Variants in ATXN2 observed in about 807,000 individuals in gnomAD.
ATXN2 encodes the protein ataxin-2.
ATXN2 carries 37 observed loss-of-function variants against 138.6 expected under a neutral mutation model. That is an observed-to-expected ratio of 0.27 (90% CI 0.21 to 0.35). The LOEUF (loss-of-function observed/expected upper bound fraction) is 0.35. Among genes scored for constraint, ATXN2 ranks in the 10% least tolerant of loss-of-function variants. The probability of loss-of-function intolerance (pLI) is 1.00; values close to 1 mark genes in which losing one functional copy is unlikely to be tolerated. For synonymous variants in ATXN2, 549 were observed against 543.7 expected (o/e 1.01, Z -0.13); for missense variants, 1,216 against 1,480.3 (o/e 0.82, Z 2.93).
intron 5 of ATXN2, among the ~76,000 whole-genome samples, chr12:111,539,075 G>A (rs893238598): frequency 6.7e-6 from 1 of 150,238 alleles, no homozygotes. Flanking sequence ...ACTGTTTATG[G>A]GTGAACATTC....
At chr12:111,457,461 T>C in intron 21 of ATXN2, 102 bp from the exon 22 acceptor site, 3 of 1,337,114 alleles carry the variant, frequency 2.2e-6, no homozygotes, top group Non-Finnish European at 3.0e-6. Flanking sequence ...TTACAATGCA[T>C]AACTCACGCC....
intron 1 of ATXN2, among the ~76,000 whole-genome samples, chr12:111,592,096 T>G (rs1884696692): frequency 7.6e-6 from 1 of 131,978 alleles, no homozygotes; most frequent in Admixed American, 7.7e-5. Flanking sequence ...AAAAAACACC[T>G]TAGCTCATGA....
At chr12:111,546,023 G>A (rs953688433) in intron 5 of ATXN2, among the ~76,000 whole-genome samples, 2 of 151,250 alleles carry the variant, frequency 1.3e-5, no homozygotes, top group African/African-American at 4.9e-5. Context: ...AAGGAAGGTA[G>A]TGGTTAGTTG....
intron 5 of ATXN2, among the ~76,000 whole-genome samples, chr12:111,549,635 T>C (rs538482808): frequency 1.1e-4 from 16 of 152,354 alleles, no homozygotes; most frequent in African/African-American, 2.9e-4. Context: ...TCTTCTTTTA[T>C]AGAAGAGGGC....
chr12:111,485,054 C>T (rs1203717581), intron 18 of ATXN2: 10 of 470,622 alleles, frequency 2.1e-5, no homozygotes, highest in Middle Eastern at 5.5e-4. Flanking sequence ...GAAGAGGATA[C>T]TATATAATCA....
chr12:111,553,203 A>G (rs1041889072), intron 3 of ATXN2, among the ~76,000 whole-genome samples: 5 of 152,152 alleles, frequency 3.3e-5, no homozygotes, highest in African/African-American at 1.2e-4. Flanking sequence ...CTGAAGTCAA[A>G]CATTTCTGAC....
chr12:111,473,299 T>A (rs1433885909), intron 18 of ATXN2, among the ~76,000 whole-genome samples: 1 of 145,200 alleles, frequency 6.9e-6, no homozygotes, highest in Non-Finnish European at 1.5e-5. Flanking sequence ...AAAAAAAAAA[T>A]TCCAGAAGTT....
chr12:111,491,041 C>T (rs550856718), intron 14 of ATXN2, among the ~76,000 whole-genome samples: 5 of 152,078 alleles, frequency 3.3e-5, no homozygotes, highest in South Asian at 2.1e-4. Context: ...AACCTGAGGT[C>T]GGGAGTTCAA....
At chr12:111,595,089 G>A (rs761385371) in intron 1 of ATXN2, among the ~76,000 whole-genome samples, 2 of 152,020 alleles carry the variant, frequency 1.3e-5, no homozygotes, top group Non-Finnish European at 2.9e-5. Flanking sequence ...CACAATATTT[G>A]ACAAACTACA....
chr12:111,478,804 C>T (rs1039915322), intron 18 of ATXN2, among the ~76,000 whole-genome samples: 3 of 151,480 alleles, frequency 2.0e-5, no homozygotes, highest in Non-Finnish European at 2.9e-5. Context: ...GTCAGGAGTT[C>T]GAGACCAGCC....
chr12:111,504,829 T>C (rs1440647734), intron 14 of ATXN2, among the ~76,000 whole-genome samples: 1 of 152,128 alleles, frequency 6.6e-6, no homozygotes, highest in Non-Finnish European at 1.5e-5. Flanking sequence ...TTAATAACAA[T>C]TTGTTTCACT....
At chr12:111,510,699 C>G in intron 11 of ATXN2, 117 bp from the exon 12 acceptor site, 1 of 913,040 alleles carries the variant, frequency 1.1e-6, no homozygotes, top group Non-Finnish European at 1.6e-6. Context: ...TAGCCCTTAC[C>G]CTTTATCCCA....
In ATXN2 at chr12:111,453,106, C is replaced by T. The variant is rs1400044637; in HGVS notation, c.3440-266G>A. ...AGAAAAAAAGGCCTTAACAAACCCC[C>T]TCCCCAAATATTAGCCAAGCACCAG... On this transcript the variant is annotated intron_variant, in intron 24 of 24. Transcript: ENST00000673436. The surrounding 1 kb of genome is among the most constrained non-coding windows in gnomAD (Gnocchi z 5.4). 1.7e-5 allele frequency: 21 copies of T among 1,264,662 alleles called. No homozygotes were observed. Among genetic ancestry groups the T allele is most frequent in the Non-Finnish European group, 1.9e-5 (19 of 1,005,410 alleles). 78.3% of individuals were successfully genotyped at this position (1,264,662 alleles called of 1,614,324 possible). A position where few individuals can be genotyped will look rare whatever the true frequency, so the allele number is the denominator to read the frequency against.
intron 18 of ATXN2, among the ~76,000 whole-genome samples, chr12:111,476,378 G>A (rs1197406399): frequency 6.6e-6 from 1 of 151,970 alleles, no homozygotes; most frequent in African/African-American, 2.4e-5. Context: ...ATGCTTAATA[G>A]TGAAAGACAA....
intron 5 of ATXN2, among the ~76,000 whole-genome samples, chr12:111,535,787 T>G (rs1018493997): frequency 1.6e-3 from 246 of 151,360 alleles, no homozygotes; most frequent in African/African-American, 5.9e-3. Context: ...GATCACGAGG[T>G]CAGGAGATCG....
intron 1 of ATXN2, among the ~76,000 whole-genome samples, chr12:111,588,849 G>T (rs1172652231): frequency 6.6e-6 from 1 of 151,066 alleles, no homozygotes; most frequent in Non-Finnish European, 1.5e-5. Context: ...AAAAAAATTA[G>T]CCGGGCATGG....
intron 6 of ATXN2, among the ~76,000 whole-genome samples, chr12:111,521,250 C>G (rs1880142012): frequency 6.6e-6 from 1 of 152,304 alleles, no homozygotes; most frequent in East Asian, 1.9e-4. Flanking sequence ...TCAGGGTTCT[C>G]TCTTTTCTCT....
chr12:111,481,297 T>C (rs1877217653), intron 18 of ATXN2, among the ~76,000 whole-genome samples: 1 of 151,964 alleles, frequency 6.6e-6, no homozygotes, highest in Admixed American at 6.6e-5. Context: ...ATATAAAAAT[T>C]AGCCTGGTGT....
At chr12:111,523,916 A>C (rs1260686086) in intron 6 of ATXN2, among the ~76,000 whole-genome samples, 1 of 152,168 alleles carries the variant, frequency 6.6e-6, no homozygotes, top group Non-Finnish European at 1.5e-5. Context: ...AGAAAAAAAA[A>C]AAATCTTCAC....
Sources: gnomAD v4.1 joint callset for allele counts (sites outside exome capture counted in the v4.1 genomes callset) on GRCh38, gnomAD v4.1.1 for gene constraint, Gnocchi (gnomAD v3.1) non-coding constraint, MANE v1.5 for transcripts, NCBI Gene and HGNC (gene_info 2026-07-23, HGNC 2026-07-21) for gene names.